The following TRIM5 variants were observed in gnomAD, a reference collection of about 807,000 sequenced individuals.
The protein encoded by TRIM5 is tripartite motif containing 5, also known as tripartite motif-containing protein 5.
Under a neutral mutation model 35.6 loss-of-function variants are expected in TRIM5, and 31 were observed. The observed-to-expected ratio is 0.87, with a 90% CI of 0.65 to 1.18. The LOEUF (loss-of-function observed/expected upper bound fraction) is 1.18, where lower values mean the gene tolerates loss of function less well. TRIM5 is among the 50% of genes most tolerant of loss of function. The pLI is 0.00. For missense variants in TRIM5, 609 were observed against 591.6 expected (o/e 1.03, Z -0.31); for synonymous variants, 243 against 215.6 (o/e 1.13, Z -1.11).
At chr11:5,665,433 G>A (rs759009263) in intron 7 of TRIM5, 38 bp from the exon 8 acceptor site, 13 of 1,559,202 alleles carry the variant, frequency 8.3e-6, no homozygotes, top group East Asian at 2.2e-5. Context: ...GGGATATAAT[G>A]TAACTTTATT....
chr11:5,605,240 C>T, the TRIM5 span: 34 of 1,541,218 alleles, frequency 2.2e-5, 1 homozygote, highest in South Asian at 3.7e-4. Context: ...GAGGCTTGGC[C>T]CAGGAAAGCA....
At chr11:5,667,537 T>C (rs1191823177) in intron 5 of TRIM5, 152 bp downstream of exon 5, 3 of 839,034 alleles carry the variant, frequency 3.6e-6, no homozygotes, top group South Asian at 1.8e-5. Context: ...AACATTCGAA[T>C]GCTGATTTAT....
chr11:5,664,977 A>C lies in TRIM5; in HGVS notation c.1314T>G (p.Val438=), dbSNP rs1326592760. Residue 438 remains valine, a synonymous_variant, in exon 8 of 8, where the codon GTT becomes GTG. Transcript: ENST00000380034. ...AAGCCTCATAGTCTAGGAAAACTCC[A>C]ACACGATCAGGACAAATAATCACAG... ...PLSVIICPDR[V]GVFLDYEACT... 1.9e-6 allele frequency: 3 copies of C among 1,614,204 alleles called. No individual in the cohort carries two copies. The highest frequency in any genetic ancestry group is 8.5e-7 in the Non-Finnish European group (1 of 1,180,040).
At chr11:5,632,821 CCTT>C in the TRIM5 span, 4 of 1,189,816 alleles carry the variant, frequency 3.4e-6, no homozygotes, top group South Asian at 1.9e-5. Context: ...ACCTTTTCAT[CCTT>C]TTTTTTTTTT....
chr11:5,635,117 A>C, the TRIM5 span, among the ~76,000 whole-genome samples: 11 of 152,192 alleles, frequency 7.2e-5, no homozygotes, highest in Non-Finnish European at 1.5e-4. Flanking sequence ...AGTGTCAAGC[A>C]TTCATCAGAC....
chr11:5,599,605 G>A, the TRIM5 span, among the ~76,000 whole-genome samples: 26 of 152,140 alleles, frequency 1.7e-4, no homozygotes, highest in East Asian at 1.2e-3. Context: ...GGGTTTCACC[G>A]TGTTAGCCAG....
downstream of TRIM5, among the ~76,000 whole-genome samples, chr11:5,661,532 C>T (rs1850825667): frequency 6.6e-6 from 1 of 152,092 alleles, no homozygotes; most frequent in Admixed American, 6.6e-5. Context: ...CTCTGTGCTT[C>T]TCCCCAGATT....
chr11:5,643,126 T>A, the TRIM5 span: 2 of 1,115,534 alleles, frequency 1.8e-6, no homozygotes, highest in Non-Finnish European at 2.3e-6. Context: ...TATATATATA[T>A]TTTTTTTTTT....
chr11:5,677,192 A>G (rs990820778), intron 4 of TRIM5, among the ~76,000 whole-genome samples: 24 of 152,218 alleles, frequency 1.6e-4, no homozygotes, highest in Non-Finnish European at 3.1e-4. Context: ...GAAAATTTTC[A>G]CAACCCACTC....
the TRIM5 span, chr11:5,643,997 G>C: frequency 2.1e-6 from 1 of 480,852 alleles, no homozygotes; most frequent in Non-Finnish European, 3.6e-6. Context: ...TCACTGATAT[G>C]AAGAGGCCCA....
the TRIM5 span, chr11:5,603,736 G>T: frequency 6.2e-7 from 1 of 1,613,068 alleles, no homozygotes; most frequent in Non-Finnish European, 8.5e-7. Flanking sequence ...GGAGTACCAG[G>T]TGAGACCCCA....
chr11:5,632,822 CTTT>C, the TRIM5 span: 18,589 of 956,554 alleles, frequency 0.019, no homozygotes, highest in East Asian at 0.031. Flanking sequence ...CCTTTTCATC[CTTT>C]TTTTTTTTTT....
chr11:5,632,388 G>A, the TRIM5 span: 1 of 1,614,100 alleles, frequency 6.2e-7, no homozygotes, highest in Non-Finnish European at 8.5e-7. Context: ...CCATCTGCCT[G>A]GAGCTGTTGA....
chr11:5,668,213 T>C (rs1394497209), intron 4 of TRIM5, among the ~76,000 whole-genome samples: 1 of 152,150 alleles, frequency 6.6e-6, no homozygotes, highest in East Asian at 1.9e-4. Context: ...TGACTGAGGC[T>C]GCACTGAGCT....
At chr11:5,641,748 AG>A in the TRIM5 span, among the ~76,000 whole-genome samples, 1 of 152,218 alleles carries the variant, frequency 6.6e-6, no homozygotes, top group East Asian at 1.9e-4. Flanking sequence ...CCTATGGAAA[AG>A]TGTAGTCCTT....
In TRIM5 at chr11:5,671,216, ACT is replaced by A. The variant is rs529684871; in HGVS notation, c.745-3507_745-3506del. The stretch of plus-strand genomic sequence containing the variant: ...ATACTAGCATGGGCAACAGAGTGAG[ACT>A]CTGTCTAAAATATATATATGTTATT... On this transcript the variant is annotated intron_variant, in intron 4 of 7. Transcript: ENST00000380034. Among the ~76,000 whole-genome samples, 324 of 152,044 alleles carry A rather than the reference ACT, an allele frequency of 2.1e-3. 1 individual carries two copies. Among genetic ancestry groups the A allele is most frequent in the African/African-American group, 7.3e-3 (303 of 41,496 alleles).
the TRIM5 span, among the ~76,000 whole-genome samples, chr11:5,629,211 G>T: frequency 6.6e-6 from 1 of 152,016 alleles, no homozygotes; most frequent in Non-Finnish European, 1.5e-5. Context: ...TGGGAGGCGG[G>T]GGTTGCAGTG....
intron 4 of TRIM5, among the ~76,000 whole-genome samples, chr11:5,675,688 GTTT>G (rs888486716): frequency 2.7e-5 from 4 of 147,756 alleles, no homozygotes; most frequent in African/African-American, 1.0e-4. Flanking sequence ...CTTCTGTTGT[GTTT>G]TTTTTGTTTT....
the TRIM5 span, among the ~76,000 whole-genome samples, chr11:5,595,020 G>A: frequency 6.6e-6 from 1 of 152,112 alleles, no homozygotes; most frequent in Non-Finnish European, 1.5e-5. Context: ...CAGACATGAG[G>A]TAGTCACTGA....
Sources: allele counts gnomAD v4.1 joint callset (sites outside exome capture counted in the v4.1 genomes callset), GRCh38; gene constraint gnomAD v4.1.1; transcripts MANE v1.5; gene names NCBI Gene and HGNC (gene_info 2026-07-23, HGNC 2026-07-21).